Variants in JAK1 observed in about 807,000 individuals in gnomAD.
JAK1 encodes the protein Janus kinase 1.
JAK1 carries 16 observed loss-of-function variants against 136.6 expected under a neutral mutation model. The ratio of observed to expected loss-of-function variants is 0.12; its 90% CI spans 0.08 to 0.18. The LOEUF (loss-of-function observed/expected upper bound fraction) is 0.18. Ranked by LOEUF, JAK1 falls within the 10% of genes least tolerant of loss-of-function variation. The probability of loss-of-function intolerance (pLI) is 1.00; values close to 1 mark genes in which losing one functional copy is unlikely to be tolerated. For synonymous variants in JAK1, 492 were observed against 519.5 expected, an observed-to-expected ratio of 0.95 and a Z score of 0.72; for missense variants, 859 against 1,450.1, an observed-to-expected ratio of 0.59 and a Z score of 6.62.
chr1:64,892,322 C>T (rs970935600), intron 1 of JAK1, among the ~76,000 whole-genome samples: 13 of 152,034 alleles, frequency 8.6e-5, no homozygotes, highest in Non-Finnish European at 1.9e-4. Flanking sequence ...GCTCTGTCAC[C>T]CACGCTGGAA....
At chr1:64,948,635 T>G (rs1177448431) in intron 1 of JAK1, among the ~76,000 whole-genome samples, 1 of 152,266 alleles carries the variant, frequency 6.6e-6, no homozygotes, top group Non-Finnish European at 1.5e-5. Flanking sequence ...GCTTTTGGGC[T>G]TCTCTCTTCA....
intron 1 of JAK1, among the ~76,000 whole-genome samples, chr1:64,938,934 A>G (rs543623135): frequency 7.2e-5 from 11 of 152,308 alleles, no homozygotes; most frequent in African/African-American, 2.2e-4. Flanking sequence ...TAATTAAAAT[A>G]CTTAATTAAC....
chr1:64,914,648 C>T (rs1295209000), intron 1 of JAK1, among the ~76,000 whole-genome samples: 1 of 152,218 alleles, frequency 6.6e-6, no homozygotes, highest in Non-Finnish European at 1.5e-5. Flanking sequence ...ACTGCAACCT[C>T]TGCCTCTGGG....
intron 14 of JAK1, 51 bp from the exon 15 acceptor site, chr1:64,845,691 T>G: frequency 6.2e-7 from 1 of 1,609,994 alleles, no homozygotes; most frequent in Non-Finnish European, 8.5e-7. Flanking sequence ...GGCACGGTCC[T>G]CTCCTTCATC....
intron 1 of JAK1, among the ~76,000 whole-genome samples, chr1:64,955,600 T>A (rs528389544): frequency 6.6e-6 from 1 of 151,910 alleles, no homozygotes; most frequent in Non-Finnish European, 1.5e-5. Context: ...CAGACTAAGG[T>A]GGAGTTTGGA....
chr1:64,934,733 T>C (rs79547241), intron 1 of JAK1, among the ~76,000 whole-genome samples: 2,714 of 152,328 alleles, frequency 0.018, 75 homozygotes, highest in African/African-American at 0.061. Flanking sequence ...GTAGTCACTC[T>C]CTTCTCTGTG....
chr1:64,916,851 A>C lies in JAK1; in HGVS notation c.-77-30510T>G, dbSNP rs1445074572. On this transcript the variant is annotated intron_variant, in intron 1 of 24. Coordinates refer to ENST00000342505, the MANE Select transcript of JAK1 (RefSeq NM_002227.4). ...GTGAGACCCTTTCTCAAAAAAAAAA[A>C]AAAAAGTTTAGGAAATAGGTTAGAA... is the stretch of plus-strand genomic sequence containing the variant. Among the ~76,000 whole-genome samples, 11 of 152,028 alleles carry C rather than the reference A, an allele frequency of 7.2e-5. 1 individual carries two copies. The South Asian group carries it at 2.3e-3, about 31-fold the overall frequency.
chr1:64,961,149 C>A (rs77762686), intron 1 of JAK1, among the ~76,000 whole-genome samples: 9,611 of 152,214 alleles, frequency 0.063, 448 homozygotes, highest in South Asian at 0.1. Context: ...GGCTTAAAAA[C>A]CAGTTAGATA....
At chr1:65,043,033 C>T (rs1647149485) in intron 2 of JAK1, among the ~76,000 whole-genome samples, 1 of 152,112 alleles carries the variant, frequency 6.6e-6, no homozygotes, top group Admixed American at 6.5e-5. Flanking sequence ...CCAATCAGAT[C>T]CTTTCTGCAG....
chr1:64,969,124 T>A (rs537676334), upstream of JAK1, among the ~76,000 whole-genome samples: 32 of 150,456 alleles, frequency 2.1e-4, no homozygotes, highest in African/African-American at 6.6e-4. Context: ...AAAAAAAAAA[T>A]AAGTATATGC....
intron 1 of JAK1, among the ~76,000 whole-genome samples, chr1:64,962,348 A>G (rs185739089): frequency 2.0e-5 from 3 of 152,360 alleles, no homozygotes; most frequent in African/African-American, 7.2e-5. Context: ...TCTTCTGGCC[A>G]GAGTAGACTT....
At chr1:64,977,435 A>G (rs1250596668) in intron 2 of JAK1, among the ~76,000 whole-genome samples, 6 of 148,920 alleles carry the variant, frequency 4.0e-5, no homozygotes. Flanking sequence ...TACAGGCATG[A>G]GCCACTGCAC....
At chr1:64,957,447 G>C (rs1221607675) in intron 1 of JAK1, among the ~76,000 whole-genome samples, 1 of 152,146 alleles carries the variant, frequency 6.6e-6, no homozygotes, top group African/African-American at 2.4e-5. Context: ...GCACATATTC[G>C]TGCCTCTCAC....
chr1:65,024,712 C>T (rs1320896803), intron 2 of JAK1, among the ~76,000 whole-genome samples: 2 of 149,320 alleles, frequency 1.3e-5, no homozygotes, highest in Non-Finnish European at 3.0e-5. Flanking sequence ...GGTGGTGGCT[C>T]ACACCTGTAA....
At chr1:64,903,022 C>T (rs1017973473) in intron 1 of JAK1, among the ~76,000 whole-genome samples, 4 of 152,082 alleles carry the variant, frequency 2.6e-5, no homozygotes, top group Admixed American at 2.6e-4. Flanking sequence ...TGGATGCTGC[C>T]AACATGGTTG....
At chr1:64,866,114 A>C (rs1570666860) in intron 7 of JAK1, among the ~76,000 whole-genome samples, 1 of 152,276 alleles carries the variant, frequency 6.6e-6, no homozygotes, top group East Asian at 1.9e-4. Context: ...GGCTATAATA[A>C]TTTATTCAAC....
intron 2 of JAK1, among the ~76,000 whole-genome samples, chr1:64,999,863 T>G (rs1646737558): frequency 6.6e-6 from 1 of 152,082 alleles, no homozygotes; most frequent in Non-Finnish European, 1.5e-5. Flanking sequence ...TTTTTTCAGG[T>G]CTGTGCTATA....
chr1:65,045,494 T>C (rs1223947419), intron 1 of JAK1, among the ~76,000 whole-genome samples: 3 of 150,082 alleles, frequency 2.0e-5, no homozygotes, highest in African/African-American at 2.5e-5. Context: ...GTGGGAAGCA[T>C]GAAAGCATGG....
intron 2 of JAK1, chr1:64,974,569 A>T (rs1646481392): frequency 6.6e-6 from 1 of 152,270 alleles, no homozygotes; most frequent in Admixed American, 6.5e-5. Flanking sequence ...TAGCTGGAGA[A>T]CATACTTAAT....
Sources: allele counts gnomAD v4.1 joint callset (sites outside exome capture counted in the v4.1 genomes callset), GRCh38; gene constraint gnomAD v4.1.1; transcripts MANE v1.5; gene names NCBI Gene and HGNC (gene_info 2026-07-23, HGNC 2026-07-21).